The following NEBL variants were observed in gnomAD, a reference collection of about 807,000 sequenced individuals.
The protein encoded by NEBL is nebulette, also known as LIM and SH3 protein 2.
NEBL carries 122 observed loss-of-function variants against 140.2 expected under a neutral mutation model. The ratio of observed to expected loss-of-function variants is 0.87; its 90% CI spans 0.75 to 1.01. The LOEUF (loss-of-function observed/expected upper bound fraction) is 1.01, where lower values mean the gene tolerates loss of function less well. NEBL is among the 50% of genes least tolerant of loss of function. The pLI, the probability that NEBL is intolerant of heterozygous loss-of-function variation, is 0.00. For missense variants in NEBL, 1,365 were observed against 1,231.3 expected, an observed-to-expected ratio of 1.11 and a Z score of -1.62; for synonymous variants, 436 against 398.9, an observed-to-expected ratio of 1.09 and a Z score of -1.11.
intron 26 of NEBL, 43 bp from the exon 27 acceptor site, chr10:20,787,351 AG>A: frequency 6.7e-7 from 1 of 1,502,426 alleles, no homozygotes; most frequent in Non-Finnish European, 9.2e-7. Context: ...CCTTAAAGTT[AG>A]CCTCGAAATA....
At position 20,823,300 on chromosome 10, in the gene NEBL, C is replaced by G. The variant is rs186851083; in HGVS notation, c.1870G>C (p.Val624Leu). Residue 624 changes from valine to leucine, a missense_variant and splice_region_variant, in exon 19 of 28, where the codon GTG becomes CTG. Val to Leu is a conservative substitution (Grantham distance 32, BLOSUM62 1). Around this residue, in one of 2 missense-constraint regions of NEBL, gnomAD observed 1,323 missense variants for 1,154.8 expected, o/e 1.15. Transcript: ENST00000377122. ...VKKNQQNISS[V>L]KYKEEIKHAT... ...TGTTTAATCTCTTCTTTGTATTTCA[C>G]CTGCATAATTTATAAGAATATAACG... is the stretch of plus-strand genomic sequence containing the variant. The G allele has an allele frequency of 2.8e-5, 45 of 1,595,402 alleles. No homozygotes were observed. In the East Asian group the frequency reaches 9.2e-4, roughly 33 times the overall value.
chr10:20,960,472 C>G (rs893876299), intron 4 of NEBL, among the ~76,000 whole-genome samples: 1 of 151,934 alleles, frequency 6.6e-6, no homozygotes, highest in Non-Finnish European at 1.5e-5. Context: ...CAAAGGAAAT[C>G]CCTACTAATA....
In NEBL at chr10:20,841,488, C is replaced by T. The variant is rs1201968454; in HGVS notation, c.1228-639G>A. ...GTATTTACTTTACCCTTTTACAAGC[C>T]TCAGAATATTTCAAGGCCCCCTTTA... On this transcript the variant is annotated intron_variant, in intron 12 of 27. Coordinates refer to ENST00000377122, the MANE Select transcript of NEBL (RefSeq NM_006393.3). 4 of 152,402 alleles carry T rather than the reference C, an allele frequency of 2.6e-5. No homozygotes were observed. The East Asian group carries it at 7.7e-4, about 29-fold the overall frequency. 9.4% of individuals were successfully genotyped at this position (152,402 alleles called of 1,614,324 possible).
chr10:20,970,150 A>G (rs1416283978), intron 3 of NEBL, among the ~76,000 whole-genome samples: 2 of 152,168 alleles, frequency 1.3e-5, no homozygotes. Flanking sequence ...AAGCATAGTA[A>G]TGAGTGTTTT....
chr10:21,213,856 C>T (rs1340103659), intron 3 of NEBL, among the ~76,000 whole-genome samples: 2 of 152,080 alleles, frequency 1.3e-5, no homozygotes, highest in Non-Finnish European at 2.9e-5. Flanking sequence ...TGTTCTGTGC[C>T]CAGAGGAAGT....
chr10:21,184,515 T>C (rs1053911392), intron 3 of NEBL, among the ~76,000 whole-genome samples: 2 of 152,170 alleles, frequency 1.3e-5, no homozygotes, highest in Admixed American at 6.5e-5. Flanking sequence ...ATGAGTAATA[T>C]TAATTAAGTG....
chr10:20,855,044 T>G (rs1391235541), intron 9 of NEBL, among the ~76,000 whole-genome samples: 1 of 151,860 alleles, frequency 6.6e-6, no homozygotes, highest in Non-Finnish European at 1.5e-5. Context: ...GCCAACATGG[T>G]CAAACTCTAT....
At chr10:20,827,450 G>A (rs1299257318) in intron 17 of NEBL, among the ~76,000 whole-genome samples, 3 of 152,190 alleles carry the variant, frequency 2.0e-5, no homozygotes, top group African/African-American at 7.2e-5. Context: ...TTAGGAGGTA[G>A]GAAATATTCC....
chr10:21,236,546 G>C (rs1320573305), intron 3 of NEBL, among the ~76,000 whole-genome samples: 1 of 151,732 alleles, frequency 6.6e-6, no homozygotes, highest in South Asian at 2.1e-4. Context: ...ACAAGGTTTT[G>C]CCATGTTGGC....
chr10:20,823,485 A>T (rs907598855), intron 18 of NEBL, among the ~76,000 whole-genome samples, 185 bp from the exon 19 acceptor site: 13 of 152,180 alleles, frequency 8.5e-5, no homozygotes, highest in Non-Finnish European at 1.3e-4. Flanking sequence ...CTAAGGTACA[A>T]ATAAATCCGT....
intron 22 of NEBL, among the ~76,000 whole-genome samples, chr10:20,814,437 G>A (rs1478186713): frequency 6.7e-6 from 1 of 150,258 alleles, no homozygotes; most frequent in East Asian, 2.0e-4. Flanking sequence ...ATCTCTACAG[G>A]TAAAAATTAA....
intron 4 of NEBL, among the ~76,000 whole-genome samples, chr10:20,934,563 C>T (rs767387235): frequency 2.0e-5 from 3 of 152,210 alleles, no homozygotes. Flanking sequence ...ACGATGGGCC[C>T]GCTCTTTGCC....
chr10:20,784,218 C>G lies in NEBL; in HGVS notation c.*1529G>C, dbSNP rs1004135393. 6.6e-6 allele frequency: 1 copy of G among 152,136 alleles called. No individual in the cohort carries two copies. Among genetic ancestry groups the G allele is most frequent in the Non-Finnish European group, 1.5e-5 (1 of 68,040 alleles). 9.4% of individuals were successfully genotyped at this position (152,136 alleles called of 1,614,324 possible). A position where few individuals can be genotyped will look rare whatever the true frequency, so the allele number is the denominator to read the frequency against. Reference sequence around the variant, plus strand: ...TTTGTCATAGCTGTGAAGTCAGACCCTAAGTGAATGCCACCCCGTTGCAGG... The same window carrying G: ...TTTGTCATAGCTGTGAAGTCAGACCGTAAGTGAATGCCACCCCGTTGCAGG... On this transcript the variant is annotated 3_prime_UTR_variant, in exon 28 of 28. Coordinates refer to ENST00000377122, the MANE Select transcript of NEBL (RefSeq NM_006393.3).
At chr10:21,029,378 C>G in intron 2 of NEBL, 1 of 1,611,494 alleles carries the variant, frequency 6.2e-7, no homozygotes, top group Non-Finnish European at 8.5e-7. Context: ...GTGCGTTTAC[C>G]ACGTGAACCC....
At chr10:20,837,373 C>G (rs533507807) in intron 13 of NEBL, among the ~76,000 whole-genome samples, 2 of 152,200 alleles carry the variant, frequency 1.3e-5, no homozygotes, top group Admixed American at 6.5e-5. Flanking sequence ...CACAACATCC[C>G]CTTAAACCAA....
At chr10:20,933,378 C>T (rs1294915714) in intron 4 of NEBL, among the ~76,000 whole-genome samples, 4 of 152,150 alleles carry the variant, frequency 2.6e-5, no homozygotes, top group African/African-American at 9.7e-5. Flanking sequence ...CTTACCCGTA[C>T]ACTACTAGAC....
intron 2 of NEBL, among the ~76,000 whole-genome samples, chr10:21,130,436 A>G (rs1839050292): frequency 6.6e-6 from 1 of 152,154 alleles, no homozygotes. Context: ...TTTACCCAAC[A>G]ACAGCAGAAT....
At chr10:20,942,152 C>T (rs1338096731) in intron 4 of NEBL, among the ~76,000 whole-genome samples, 1 of 152,140 alleles carries the variant, frequency 6.6e-6, no homozygotes, top group Non-Finnish European at 1.5e-5. Flanking sequence ...GCCAAAAGAA[C>T]AAAGCTGGAG....
rs543579263 is a variant in NEBL, at chr10:21,209,618, C to T, written n.349-37141G>A. On this transcript the variant is annotated intron_variant and non_coding_transcript_variant, in intron 3 of 8. Transcript: ENST00000675702. ...AGGATGTGTCTTCCAGGAAGTTTCT[C>T]CTATCTCCTGATACAATTAGGCACC... is the stretch of plus-strand genomic sequence containing the variant. Among the ~76,000 whole-genome samples, 6 of 151,234 alleles carry T rather than the reference C, an allele frequency of 4.0e-5. No homozygotes were observed. The South Asian group carries it at 1.3e-3, about 32-fold the overall frequency.
Sources: gnomAD v4.1 joint callset for allele counts (sites outside exome capture counted in the v4.1 genomes callset) on GRCh38, gnomAD v4.1.1 for gene constraint, gnomAD v4.1.1 regional missense constraint, MANE v1.5 for transcripts, NCBI Gene and HGNC (gene_info 2026-07-23, HGNC 2026-07-21) for gene names.